Variants in SRGAP1 observed in about 807,000 individuals in gnomAD.
SRGAP1 encodes SLIT-ROBO Rho GTPase activating protein 1, also known as SLIT-ROBO Rho GTPase-activating protein 1.
SRGAP1 carries 43 observed loss-of-function variants against 121.9 expected under a neutral mutation model. The ratio of observed to expected loss-of-function variants is 0.35; its 90% CI spans 0.28 to 0.46. The LOEUF is 0.46. Ranked by LOEUF, SRGAP1 falls within the 20% of genes least tolerant of loss-of-function variation. The probability of loss-of-function intolerance (pLI) is 1.00; values close to 1 mark genes in which losing one functional copy is unlikely to be tolerated. For synonymous variants in SRGAP1, 447 were observed against 485.4 expected (o/e 0.92, Z 1.04); for missense variants, 1,102 against 1,350.9 (o/e 0.82, Z 2.89).
chr12:64,025,782 C>T (rs12302194), intron 4 of SRGAP1, among the ~76,000 whole-genome samples: 3,365 of 152,280 alleles, frequency 0.022, 134 homozygotes, highest in African/African-American at 0.075. Context: ...ATGTGACTCT[C>T]TGTGAGCAAC....
At chr12:63,981,909 G>C (rs1456430275) in intron 1 of SRGAP1, among the ~76,000 whole-genome samples, 6 of 152,070 alleles carry the variant, frequency 3.9e-5, no homozygotes, top group Non-Finnish European at 8.8e-5. Context: ...AAGGTTTGAT[G>C]GATAGAAGGA....
At chr12:64,129,825 T>G (rs1256018007) in intron 21 of SRGAP1, among the ~76,000 whole-genome samples, 1 of 152,224 alleles carries the variant, frequency 6.6e-6, no homozygotes, top group African/African-American at 2.4e-5. Context: ...TACAAGTGTA[T>G]ACATGCACAA....
At position 63,872,116 on chromosome 12, in the gene SRGAP1, C is replaced by T; in HGVS notation, c.67+27233C>T. 2 of 549,030 alleles carry T rather than the reference C, an allele frequency of 3.6e-6. 1 individual carries two copies. Among genetic ancestry groups the T allele is most frequent in the East Asian group, 6.1e-5 (2 of 32,632 alleles). 34.0% of individuals were successfully genotyped at this position (549,030 alleles called of 1,614,324 possible). On this transcript the variant is annotated intron_variant, in intron 1 of 21. Coordinates refer to ENST00000355086, the MANE Select transcript of SRGAP1 (RefSeq NM_020762.4). ...TGTCCGAGACCCTTGCCTTGTACAG[C>T]TCTCACCTAACCGGGAGTTTTTCTT...
At position 63,989,968 on chromosome 12, in the gene SRGAP1, A is replaced by C. The variant is rs890665625; in HGVS notation, c.322A>C (p.Arg108=). 4.3e-6 allele frequency: 7 copies of C among 1,613,854 alleles called. No individual in the cohort carries two copies. The African/African-American group carries it at 9.3e-5, about 22-fold the overall frequency. Residue 108 remains arginine (R), a synonymous_variant, in exon 3 of 22, where the codon AGG becomes CGG. Transcript: ENST00000355086. ...CTGGTATTTGCTCCTGAACCAAGTA[A>C]GGAGAGAAAGCAAAGACCATGCAAC... is the stretch of plus-strand genomic sequence containing the variant. ...NCWYLLLNQV[R]RESKDHATLS... is the part of the protein sequence containing the mutation.
At chr12:64,113,548 A>G (rs1411840617) in intron 17 of SRGAP1, among the ~76,000 whole-genome samples, 1 of 152,208 alleles carries the variant, frequency 6.6e-6, no homozygotes, top group Non-Finnish European at 1.5e-5. Flanking sequence ...GTTTGAGGTG[A>G]TGGATATCCC....
chr12:63,932,766 A>C (rs1209759121), intron 1 of SRGAP1, among the ~76,000 whole-genome samples: 1 of 152,190 alleles, frequency 6.6e-6, no homozygotes, highest in African/African-American at 2.4e-5. Context: ...TTGAGTATAC[A>C]AGAGAAAGGA....
chr12:63,902,540 A>C (rs1261527339), intron 1 of SRGAP1, among the ~76,000 whole-genome samples: 1 of 152,194 alleles, frequency 6.6e-6, no homozygotes, highest in Non-Finnish European at 1.5e-5. Context: ...CTATTCAGAG[A>C]GACTGGAGGC....
intron 18 of SRGAP1, among the ~76,000 whole-genome samples, chr12:64,118,536 A>T (rs1329064166): frequency 6.6e-6 from 1 of 152,154 alleles, no homozygotes; most frequent in Non-Finnish European, 1.5e-5. Context: ...TGCTGAGATT[A>T]TAGGCATGAG....
chr12:63,927,894 A>G lies in SRGAP1; in HGVS notation c.68-56053A>G, dbSNP rs184555680. ...ACTAATTCCCTTATTGATTCTTACA[A>G]TAGGACTTCTCAGAGCCAACGTGCA... is the stretch of plus-strand genomic sequence containing the variant. On this transcript the variant is annotated intron_variant, in intron 1 of 21. Transcript: ENST00000355086. Among the ~76,000 whole-genome samples the G allele has an allele frequency of 1.4e-3, 219 of 152,226 alleles. 2 individuals are homozygous for G. Among genetic ancestry groups the G allele is most frequent in the African/African-American group, 5.0e-3 (209 of 41,556 alleles).
intron 1 of SRGAP1, among the ~76,000 whole-genome samples, chr12:63,891,391 A>G (rs906201924): frequency 2.0e-5 from 3 of 152,116 alleles, no homozygotes; most frequent in Non-Finnish European, 4.4e-5. Context: ...CCATGCATTC[A>G]TTAGTTCAGC....
intron 18 of SRGAP1, among the ~76,000 whole-genome samples, chr12:64,123,850 C>A (rs1231949140): frequency 1.3e-5 from 2 of 151,434 alleles, no homozygotes; most frequent in Non-Finnish European, 2.9e-5. Context: ...ATTATCCTTA[C>A]AACTACTTTG....
At chr12:64,072,118 G>GTA (rs2035650041) in intron 8 of SRGAP1, among the ~76,000 whole-genome samples, 1 of 105,968 alleles carries the variant, frequency 9.4e-6, no homozygotes, top group African/African-American at 3.2e-5. Context: ...CTGTGTGTGT[G>GTA]TGTGTGTGTG....
chr12:63,963,744 G>A (rs1207738522), intron 1 of SRGAP1, among the ~76,000 whole-genome samples: 2 of 151,696 alleles, frequency 1.3e-5, no homozygotes, highest in Admixed American at 6.6e-5. Flanking sequence ...TTACTTCTGG[G>A]AGAGCAACTT....
intron 11 of SRGAP1, among the ~76,000 whole-genome samples, chr12:64,090,839 TA>T (rs913155721): frequency 2.1e-3 from 307 of 148,756 alleles, no homozygotes; most frequent in African/African-American, 6.8e-3. Context: ...GACTCTGACT[TA>T]AAAAAAAAAA....
At chr12:64,040,764 ATATT>A (rs2034999818) in intron 4 of SRGAP1, among the ~76,000 whole-genome samples, 2 of 152,198 alleles carry the variant, frequency 1.3e-5, no homozygotes, top group South Asian at 2.1e-4. Context: ...ATTTAAGAAA[ATATT>A]TATTAAGCAC....
chr12:64,042,568 C>T (rs1170829344), intron 4 of SRGAP1, among the ~76,000 whole-genome samples: 1 of 152,110 alleles, frequency 6.6e-6, no homozygotes, highest in African/African-American at 2.4e-5. Context: ...TCACCAAATC[C>T]TGTCCTCTAG....
In SRGAP1 at chr12:64,040,938, AT is replaced by A. The variant is rs1257076871; in HGVS notation, c.490-1848del. Among the ~76,000 whole-genome samples, 3 of 152,310 alleles carry A rather than the reference AT, an allele frequency of 2.0e-5. No individual in the cohort carries two copies. In the East Asian group the frequency reaches 5.8e-4, roughly 29 times the overall value. ...AATTTGTCCTAGGAAATATGACACA[AT>A]TTTGTACACAAACTTTTTTGTAACA... On this transcript the variant is annotated intron_variant, in intron 4 of 21. Transcript: ENST00000355086.
At chr12:64,083,452 G>A (rs1421090394) in intron 10 of SRGAP1, among the ~76,000 whole-genome samples, 2 of 152,066 alleles carry the variant, frequency 1.3e-5, no homozygotes, top group Admixed American at 6.6e-5. Flanking sequence ...TAAGTTCTTT[G>A]ATTTACAACA....
chr12:64,153,570 TAGA>T lies in SRGAP1; in HGVS notation c.*10902_*10904del, dbSNP rs760668276. On this transcript the variant is annotated 3_prime_UTR_variant, in exon 22 of 22. Transcript: ENST00000355086. ...AGGAACATGACAGCATCTATATTTT[TAGA>T]AGATGACCCTCAAAACCACAATGAG... 10 of 152,218 alleles carry T rather than the reference TAGA, an allele frequency of 6.6e-5. No homozygotes were observed. Among genetic ancestry groups the T allele is most frequent in the Non-Finnish European group, 1.3e-4 (9 of 68,018 alleles). The allele number at this position is 152,218 out of a possible 1,614,324, so 9.4% of individuals were successfully genotyped here. A position where few individuals can be genotyped will look rare whatever the true frequency, so the allele number is the denominator to read the frequency against.
Sources: gnomAD v4.1 joint callset for allele counts (sites outside exome capture counted in the v4.1 genomes callset) on GRCh38, gnomAD v4.1.1 for gene constraint, MANE v1.5 for transcripts, NCBI Gene and HGNC (gene_info 2026-07-23, HGNC 2026-07-21) for gene names.